The following PRAMEF15 variants were observed in gnomAD, a reference collection of about 807,000 sequenced individuals.
PRAMEF15 encodes the protein PRAME family member 9/15.
In PRAMEF15, 21 loss-of-function variants were observed where a neutral mutation model predicts 35.3. The observed-to-expected ratio is 0.59, with a 90% CI of 0.42 to 0.86. PRAMEF15 has a LOEUF of 0.86. PRAMEF15 is among the 40% of genes least tolerant of loss of function. The probability of loss-of-function intolerance (pLI) is 0.00; values close to 1 mark genes in which losing one functional copy is unlikely to be tolerated. For missense variants in PRAMEF15, 360 were observed against 574.1 expected, an observed-to-expected ratio of 0.63 and a Z score of 3.81; for synonymous variants, 122 against 223.3, an observed-to-expected ratio of 0.55 and a Z score of 4.05.
rs1402149538 is a variant in PRAMEF15, at chr1:13,319,358, C to G, written c.294-14C>G. ...AGTTCTTAAATTCTCAGTCTCACCT[C>G]TATTTTGCCACAGGAGGTGGAAACT... is the stretch of plus-strand genomic sequence containing the variant. On this transcript the variant is annotated splice_polypyrimidine_tract_variant and intron_variant, in intron 2 of 3. Coordinates refer to ENST00000376152, the MANE Select transcript of PRAMEF15 (RefSeq NM_001098376.3). 6.2e-7 allele frequency: 1 copy of G among 1,609,562 alleles called. No homozygotes were observed. Among genetic ancestry groups the G allele is most frequent in the South Asian group, 1.1e-5 (1 of 90,958 alleles).
At position 13,322,499 on chromosome 1, in the gene PRAMEF15, A is replaced by T. The variant is rs1230355766; in HGVS notation, c.*235A>T. 3 of 674,254 alleles carry T rather than the reference A, an allele frequency of 4.4e-6. No individual in the cohort carries two copies. Among genetic ancestry groups the T allele is most frequent in the Non-Finnish European group, 7.4e-6 (3 of 406,370 alleles). 41.8% of individuals were successfully genotyped at this position (674,254 alleles called of 1,614,324 possible). The stretch of plus-strand genomic sequence containing the variant: ...TGTAGATTCGAAAATGGGAATCTGA[A>T]TGTCTAGAGTGGAATTCAGGCTTGA... On this transcript the variant is annotated 3_prime_UTR_variant, in exon 4 of 4. Transcript: ENST00000376152.
chr1:13,319,217 T>C (rs1283653283), intron 2 of PRAMEF15, among the ~76,000 whole-genome samples, 155 bp from the exon 3 acceptor site: 2 of 140,494 alleles, frequency 1.4e-5, no homozygotes, highest in Non-Finnish European at 3.1e-5. Flanking sequence ...AACAAAACAA[T>C]GTGGAAGTGG....
At chr1:13,320,051 A>G (rs1640062196) in intron 3 of PRAMEF15, 98 bp downstream of exon 3, 4 of 1,599,404 alleles carry the variant, frequency 2.5e-6, no homozygotes, top group Non-Finnish European at 3.4e-6. Flanking sequence ...TGAGGATGAA[A>G]CAGTGAAGAG....
At chr1:13,315,871 A>G (rs1639996050) in intron 1 of PRAMEF15, among the ~76,000 whole-genome samples, 1 of 151,756 alleles carries the variant, frequency 6.6e-6, no homozygotes, top group Admixed American at 6.6e-5. Context: ...TGCCATTTTA[A>G]AATTCTTGAA....
intron 3 of PRAMEF15, 106 bp from the exon 4 acceptor site, chr1:13,321,597 G>C (rs1338238366): frequency 3.0e-6 from 4 of 1,348,406 alleles, no homozygotes; most frequent in Admixed American, 1.9e-5. Context: ...GAATGACCCT[G>C]GACTTGGGCA....
rs537798894 is a variant in PRAMEF15, at chr1:13,319,359, T to C, written c.294-13T>C. The stretch of plus-strand genomic sequence containing the variant: ...GTTCTTAAATTCTCAGTCTCACCTC[T>C]ATTTTGCCACAGGAGGTGGAAACTC... On this transcript the variant is annotated splice_polypyrimidine_tract_variant and intron_variant, in intron 2 of 3. Coordinates refer to ENST00000376152, the MANE Select transcript of PRAMEF15 (RefSeq NM_001098376.3). 1.1e-4 allele frequency: 174 copies of C among 1,609,756 alleles called. No individual in the cohort carries two copies. The African/African-American group carries it at 2.0e-3, about 19-fold the overall frequency.
Position 13,322,568 on chromosome 1 carries a change from A to T in PRAMEF15, c.*304A>T. The T allele has an allele frequency of 2.4e-6, 1 of 422,072 alleles. No individual in the cohort carries two copies. Among genetic ancestry groups the T allele is most frequent in the East Asian group, 5.5e-5 (1 of 18,080 alleles). The allele number at this position is 422,072 out of a possible 1,614,324, so 26.1% of individuals were successfully genotyped here. On this transcript the variant is annotated 3_prime_UTR_variant, in exon 4 of 4. Transcript: ENST00000376152. ...CTCTTGCATGGATGGTTGTAAAGAA[A>T]CAATCAGAAATAAAGGAAAACTGAG...
chr1:13,319,239 G>C, intron 2 of PRAMEF15, 133 bp from the exon 3 acceptor site: 2 of 1,476,186 alleles, frequency 1.4e-6, no homozygotes, highest in Non-Finnish European at 1.8e-6. Context: ...CAGGATCCAA[G>C]GGGAAAACAG....
intron 3 of PRAMEF15, among the ~76,000 whole-genome samples, chr1:13,321,237 CAG>C (rs1303505189): frequency 7.3e-6 from 1 of 137,792 alleles, no homozygotes. Flanking sequence ...TTTTTCAAAA[CAG>C]AGTCTCTCTC....
rs1203358738 is a variant in PRAMEF15 at position 13,320,011 on chromosome 1, A to G, written c.875+58A>G. 2.8e-4 allele frequency: 455 copies of G among 1,607,972 alleles called. No individual in the cohort carries two copies. In the African/African-American group the frequency reaches 5.1e-3, roughly 18 times the overall value. On this transcript the variant is annotated intron_variant, in intron 3 of 3. Coordinates refer to ENST00000376152, the MANE Select transcript of PRAMEF15 (RefSeq NM_001098376.3). ...CACAGCAGAGCCTGTTACAGTCAAC[A>G]CTAGTGGGCATCTACTGTGAGCCAG...
rs1407781153 is a variant in PRAMEF15 at position 13,321,938 on chromosome 1, G to A, written c.1111G>A (p.Ala371Thr). 4.0e-4 allele frequency: 649 copies of A among 1,610,800 alleles called. 9 individuals are homozygous for A. The South Asian group carries it at 5.3e-3, about 13-fold the overall frequency. ...DCGIIDSQVN[A>T]ILPALSRCFE... is the part of the protein sequence containing the mutation. The stretch of plus-strand genomic sequence containing the variant: ...TGGCATCATAGACTCCCAAGTCAAC[G>A]CCATCCTGCCTGCCCTGAGCCGCTG... The change falls in exon 4 of 4, where the codon GCC becomes ACC. Residue 371 changes from alanine (A) to threonine (T), a missense_variant. By Grantham distance (58) the Ala-to-Thr change is moderately conservative. Around this residue, in one of 8 missense-constraint regions of PRAMEF15, gnomAD observed 7 missense variants for 23.0 expected, o/e 0.30. Coordinates refer to ENST00000376152, the MANE Select transcript of PRAMEF15 (RefSeq NM_001098376.3).
Position 13,318,420 on chromosome 1 carries a change from A to T in PRAMEF15, c.13A>T (p.Ile5Phe), listed in dbSNP as rs1640034116. Residue 5 changes from isoleucine (I) to phenylalanine (F), a missense_variant, in exon 2 of 4, where the codon ATC (isoleucine) becomes TTC (phenylalanine). Ile to Phe is a conservative substitution (Grantham distance 21). Transcript: ENST00000376152. ...TCCCTGCAGATTCATGAAGATGAGC[A>T]TCCGGACTCCACCCAGACTCCTGGA... MKMS[I>F]RTPPRLLELA... is the part of the protein sequence containing the mutation. 1 of 1,612,902 alleles carries T rather than the reference A, an allele frequency of 6.2e-7. No individual in the cohort carries two copies.
At chr1:13,318,306 G>A (rs1439062197) in intron 1 of PRAMEF15, 86 bp from the exon 2 acceptor site, 33,315 of 1,591,166 alleles carry the variant, frequency 0.021, 398 homozygotes, top group Middle Eastern at 0.034. Context: ...CATTGCCAGA[G>A]CAGTGAGTTT....
At position 13,318,376 on chromosome 1, in the gene PRAMEF15, G is replaced by A; in HGVS notation, c.-16-16G>A. Reference sequence around the variant, plus strand: ...CCTGAGAGTGATGCCTCTTCTCTGGGTTTGTCCTCTGGAAGTTTTCCCTGC... The same window carrying A: ...CCTGAGAGTGATGCCTCTTCTCTGGATTTGTCCTCTGGAAGTTTTCCCTGC... On this transcript the variant is annotated splice_polypyrimidine_tract_variant and intron_variant, in intron 1 of 3. Coordinates refer to ENST00000376152, the MANE Select transcript of PRAMEF15 (RefSeq NM_001098376.3). The A allele has an allele frequency of 6.2e-7, 1 of 1,603,844 alleles. No homozygotes were observed. The highest frequency in any genetic ancestry group is 8.5e-7 in the Non-Finnish European group (1 of 1,174,538).
chr1:13,321,673 C>A (rs1209653210), intron 3 of PRAMEF15, 30 bp from the exon 4 acceptor site: 13 of 1,607,094 alleles, frequency 8.1e-6, no homozygotes, highest in African/African-American at 2.7e-5. Context: ...TATGATTCCC[C>A]AGAATTAACT....
In PRAMEF15 at chr1:13,322,049, A is replaced by C; in HGVS notation, c.1222A>C (p.Lys408Gln). The change falls in exon 4 of 4, where the codon AAA becomes CAA. Residue 408 changes from lysine (K) to glutamine (Q), a missense_variant. Physicochemically the swap from Lys to Gln is moderately conservative, Grantham distance 53 (BLOSUM62 1). Around this residue, in one of 8 missense-constraint regions of PRAMEF15, gnomAD observed 147 missense variants for 123.5 expected, o/e 1.19. Coordinates refer to ENST00000376152, the MANE Select transcript of PRAMEF15 (RefSeq NM_001098376.3). ...ENLLSHTIIL[K>Q]NLCVELYPAP... ...CCTGCTGAGCCACACAATCATACTC[A>C]AAAACTTATGTGTGGAGCTGTATCC... 1 of 1,610,126 alleles carries C rather than the reference A, an allele frequency of 6.2e-7. No homozygotes were observed. Among genetic ancestry groups the C allele is most frequent in the Non-Finnish European group, 8.5e-7 (1 of 1,179,132 alleles).
In PRAMEF15 at chr1:13,319,394, G is replaced by A; in HGVS notation, c.316G>A (p.Asp106Asn). ...RPRRWKLQVL[D>N]LQDVCENFWM... ...CAGGAGGTGGAAACTCCAAGTGCTG[G>A]ATTTACAGGATGTCTGTGAGAACTT... The change falls in exon 3 of 4, where the codon GAT becomes AAT. Residue 106 changes from aspartate to asparagine, a missense_variant. Around this residue, in one of 8 missense-constraint regions of PRAMEF15, gnomAD observed 44 missense variants for 25.9 expected, o/e 1.70. Transcript: ENST00000376152. The A allele has an allele frequency of 6.2e-7, 1 of 1,611,558 alleles. No homozygotes were observed. Among genetic ancestry groups the A allele is most frequent in the Non-Finnish European group, 8.5e-7 (1 of 1,179,808 alleles).
intron 2 of PRAMEF15, among the ~76,000 whole-genome samples, chr1:13,319,140 G>A (rs1640046100): frequency 6.6e-6 from 1 of 151,472 alleles, no homozygotes; most frequent in Non-Finnish European, 1.5e-5. Context: ...GTTGCAGTGA[G>A]GTGACATCAC....
At chr1:13,317,078 CTCTCTG>C (rs1238838906) in intron 1 of PRAMEF15, among the ~76,000 whole-genome samples, 1 of 151,296 alleles carries the variant, frequency 6.6e-6, no homozygotes, top group Non-Finnish European at 1.5e-5. Context: ...AAATGTAGCT[CTCTCTG>C]TCTCTCAGTT....
Sources: gnomAD v4.1 joint callset for allele counts (sites outside exome capture counted in the v4.1 genomes callset) on GRCh38, gnomAD v4.1.1 for gene constraint, gnomAD v4.1.1 regional missense constraint, MANE v1.5 for transcripts, NCBI Gene and HGNC (gene_info 2026-07-23, HGNC 2026-07-21) for gene names.